Variants in CNTNAP2 observed in about 807,000 individuals in gnomAD.
The protein encoded by CNTNAP2 is contactin-associated protein-like 2.
Under a neutral mutation model 155.2 loss-of-function variants are expected in CNTNAP2, and 98 were observed. The observed-to-expected ratio is 0.63, with a 90% CI of 0.54 to 0.75. The LOEUF (loss-of-function observed/expected upper bound fraction) is 0.75. Ranked by LOEUF, CNTNAP2 falls within the 30% of genes least tolerant of loss-of-function variation. The pLI is 0.00. For missense variants in CNTNAP2, 1,727 were observed against 1,688.1 expected, an observed-to-expected ratio of 1.02 and a Z score of -0.40; for synonymous variants, 651 against 631.2, an observed-to-expected ratio of 1.03 and a Z score of -0.47.
chr7:147,186,317 T>G (rs756389577), intron 8 of CNTNAP2, among the ~76,000 whole-genome samples: 3 of 152,160 alleles, frequency 2.0e-5, no homozygotes, highest in Non-Finnish European at 4.4e-5. Flanking sequence ...AAGTATTACA[T>G]AATAAAATAT....
intron 2 of CNTNAP2, among the ~76,000 whole-genome samples, chr7:146,810,442 A>G (rs1254997318): frequency 6.6e-6 from 1 of 151,252 alleles, no homozygotes; most frequent in Non-Finnish European, 1.5e-5. Context: ...TATTGTTTAG[A>G]TGCTATTATC....
intron 1 of CNTNAP2, among the ~76,000 whole-genome samples, chr7:146,442,108 T>A (rs1354422281): frequency 1.3e-5 from 2 of 151,632 alleles, no homozygotes; most frequent in African/African-American, 4.9e-5. Flanking sequence ...GCAAAACTTT[T>A]GAAGTCTTCT....
At chr7:147,648,475 G>A (rs1055680103) in intron 13 of CNTNAP2, among the ~76,000 whole-genome samples, 11 of 152,258 alleles carry the variant, frequency 7.2e-5, no homozygotes, top group Admixed American at 1.3e-4. Flanking sequence ...TCATTTTCAC[G>A]CTGCTGATAA....
chr7:147,007,803 A>C (rs1204279601), intron 3 of CNTNAP2, among the ~76,000 whole-genome samples: 1 of 152,134 alleles, frequency 6.6e-6, no homozygotes, highest in Non-Finnish European at 1.5e-5. Flanking sequence ...AGTCACACCA[A>C]CAAAAGAGAA....
chr7:147,493,792 T>C (rs1270845955), intron 11 of CNTNAP2, among the ~76,000 whole-genome samples: 1 of 152,210 alleles, frequency 6.6e-6, no homozygotes, highest in African/African-American at 2.4e-5. Flanking sequence ...TAATACTTTG[T>C]CACAAATTAT....
chr7:146,250,591 C>T (rs778117767), intron 1 of CNTNAP2, among the ~76,000 whole-genome samples: 7 of 152,106 alleles, frequency 4.6e-5, no homozygotes, highest in Non-Finnish European at 8.8e-5. Context: ...TCTGCTTACC[C>T]GTGGCCATGG....
At chr7:148,030,494 T>C (rs1802456712) in intron 15 of CNTNAP2, among the ~76,000 whole-genome samples, 1 of 151,862 alleles carries the variant, frequency 6.6e-6, no homozygotes, top group African/African-American at 2.4e-5. Flanking sequence ...AAATTCAATG[T>C]CAAGGAATAA....
intron 1 of CNTNAP2, among the ~76,000 whole-genome samples, chr7:146,255,944 TA>T (rs976859382): frequency 1.3e-5 from 2 of 152,194 alleles, no homozygotes; most frequent in African/African-American, 4.8e-5. Context: ...TCCTCCCTTC[TA>T]AATTTTGACT....
intron 20 of CNTNAP2, among the ~76,000 whole-genome samples, chr7:148,239,992 A>G (rs771405980): frequency 6.6e-6 from 1 of 152,180 alleles, no homozygotes; most frequent in Non-Finnish European, 1.5e-5. Context: ...CCTGCCTACC[A>G]CTAAACCCAC....
intron 18 of CNTNAP2, among the ~76,000 whole-genome samples, chr7:148,210,844 T>C (rs1795535428): frequency 6.6e-6 from 1 of 152,088 alleles, no homozygotes; most frequent in Non-Finnish European, 1.5e-5. Context: ...ACAAACAGAA[T>C]AAAAAATTCA....
At chr7:147,800,985 T>A (rs1035173720) in intron 13 of CNTNAP2, among the ~76,000 whole-genome samples, 4 of 152,194 alleles carry the variant, frequency 2.6e-5, no homozygotes, top group African/African-American at 7.2e-5. Flanking sequence ...TTTGTGTAAG[T>A]ATGCTCTATG....
chr7:148,197,776 G>A (rs1007622098), intron 18 of CNTNAP2, among the ~76,000 whole-genome samples: 4 of 152,188 alleles, frequency 2.6e-5, no homozygotes, highest in African/African-American at 9.7e-5. Context: ...AAAGCCAGCT[G>A]CCTCTTGAAA....
chr7:146,950,995 G>T (rs914229444), intron 3 of CNTNAP2, among the ~76,000 whole-genome samples: 2 of 151,960 alleles, frequency 1.3e-5, no homozygotes, highest in African/African-American at 4.8e-5. Flanking sequence ...TCTAACTGGC[G>T]TGAGATGGTA....
At position 147,661,555 on chromosome 7, in the gene CNTNAP2, C is replaced by CT. The variant is rs71937773; in HGVS notation, c.2098+22265dup. Among the ~76,000 whole-genome samples the CT allele has an allele frequency of 7.0e-3, 983 of 139,600 alleles. 9 individuals are homozygous for CT. The highest frequency in any genetic ancestry group is 0.019 in the African/African-American group (722 of 37,166). 91.6% of individuals were successfully genotyped at this position (139,600 alleles called of 152,430 possible). A position where few individuals can be genotyped will look rare whatever the true frequency, so the allele number is the denominator to read the frequency against. The stretch of plus-strand genomic sequence containing the variant: ...TCTCTGCTAATTGCTTCTTCTTCTT[C>CT]TTTTTTTTTTTTTTTTAGACGGAGT... On this transcript the variant is annotated intron_variant, in intron 13 of 23. Transcript: ENST00000361727.
At chr7:146,841,375 T>TG (rs553184633) in intron 3 of CNTNAP2, among the ~76,000 whole-genome samples, 2,253 of 58,182 alleles carry the variant, frequency 0.039, 19 homozygotes, top group Admixed American at 0.061. Flanking sequence ...GGGGGTTGGG[T>TG]GGGGGGAAGG....
At chr7:146,476,243 G>A (rs1424342833) in intron 1 of CNTNAP2, among the ~76,000 whole-genome samples, 1 of 152,106 alleles carries the variant, frequency 6.6e-6, no homozygotes, top group Non-Finnish European at 1.5e-5. Context: ...AGAGTAGGTT[G>A]TCAATGTCTA....
intron 9 of CNTNAP2, among the ~76,000 whole-genome samples, chr7:147,357,839 G>T (rs187341220): frequency 6.6e-6 from 1 of 152,132 alleles, no homozygotes; most frequent in Non-Finnish European, 1.5e-5. Context: ...AGTTAATAAA[G>T]CTTCTACGTT....
At chr7:147,125,761 G>T (rs571146923) in intron 6 of CNTNAP2, among the ~76,000 whole-genome samples, 27 of 152,270 alleles carry the variant, frequency 1.8e-4, no homozygotes, top group Admixed American at 2.0e-4. Flanking sequence ...TTGATGAAAT[G>T]AATCTAATCG....
chr7:147,884,981 C>T (rs753316275), intron 13 of CNTNAP2, among the ~76,000 whole-genome samples: 2 of 152,172 alleles, frequency 1.3e-5, no homozygotes, highest in Non-Finnish European at 2.9e-5. Flanking sequence ...GCATAAGCAG[C>T]GTCTTGCTCT....
Sources: allele counts gnomAD v4.1 joint callset (sites outside exome capture counted in the v4.1 genomes callset), GRCh38; gene constraint gnomAD v4.1.1; transcripts MANE v1.5; gene names NCBI Gene and HGNC (gene_info 2026-07-23, HGNC 2026-07-21).